OSBPL10: variants seen among roughly 807,000 people sequenced by gnomAD.
OSBPL10 encodes oxysterol binding protein like 10.
OSBPL10 carries 49 observed loss-of-function variants against 81.7 expected under a neutral mutation model. That is an observed-to-expected ratio of 0.60 (90% CI 0.48 to 0.76). The LOEUF is 0.76. Ranked by LOEUF, OSBPL10 falls within the 30% of genes least tolerant of loss-of-function variation. The pLI, the probability that OSBPL10 is intolerant of heterozygous loss-of-function variation, is 0.00. For synonymous variants in OSBPL10, 419 were observed against 383.6 expected (o/e 1.09, Z -1.08); for missense variants, 923 against 987.8 (o/e 0.93, Z 0.88).
chr3:32,061,092 A>G (rs1699752267), intron 1 of OSBPL10, among the ~76,000 whole-genome samples: 1 of 86,944 alleles, frequency 1.2e-5, no homozygotes, highest in African/African-American at 2.9e-5. Context: ...CTCACACATC[A>G]CTCTCTTCCT....
At chr3:32,030,355 CA>C (rs1314172701) in intron 2 of OSBPL10, 1 of 539,274 alleles carries the variant, frequency 1.9e-6, no homozygotes, top group African/African-American at 1.9e-5. Flanking sequence ...AGGAATGCCC[CA>C]CAAGAGGCAC....
intron 1 of OSBPL10, among the ~76,000 whole-genome samples, chr3:31,954,591 AG>A (rs1468374555): frequency 6.6e-6 from 1 of 152,142 alleles, no homozygotes; most frequent in Non-Finnish European, 1.5e-5. Flanking sequence ...TATTGGGGGC[AG>A]GGGGAAGGAT....
At chr3:31,783,942 T>C (rs1698793076) in intron 4 of OSBPL10, among the ~76,000 whole-genome samples, 1 of 146,084 alleles carries the variant, frequency 6.8e-6, no homozygotes, top group Non-Finnish European at 1.5e-5. Flanking sequence ...AAAAAGTACA[T>C]TGTAAAATCC....
chr3:31,944,506 T>A (rs1176077120), intron 1 of OSBPL10, among the ~76,000 whole-genome samples: 1 of 152,212 alleles, frequency 6.6e-6, no homozygotes, highest in African/African-American at 2.4e-5. Context: ...AAAGCATGGA[T>A]ATATTTACAT....
chr3:31,977,735 G>C (rs1022485844), intron 1 of OSBPL10, among the ~76,000 whole-genome samples: 2 of 151,852 alleles, frequency 1.3e-5, no homozygotes, highest in Non-Finnish European at 2.9e-5. Flanking sequence ...TTGTTCATTT[G>C]TATCAATGTA....
intron 1 of OSBPL10, among the ~76,000 whole-genome samples, chr3:31,966,893 C>T (rs1428453043): frequency 1.3e-5 from 2 of 152,122 alleles, no homozygotes; most frequent in Non-Finnish European, 1.5e-5. Flanking sequence ...AAAACCATGA[C>T]ACACATTTAC....
chr3:31,801,670 G>C (rs985837683), intron 4 of OSBPL10, among the ~76,000 whole-genome samples: 2 of 152,172 alleles, frequency 1.3e-5, no homozygotes, highest in African/African-American at 2.4e-5. Flanking sequence ...GAGCAAGCAG[G>C]ACCTGTGTCC....
chr3:31,666,839 A>G (rs926819384), intron 10 of OSBPL10, among the ~76,000 whole-genome samples: 2 of 152,222 alleles, frequency 1.3e-5, no homozygotes, highest in African/African-American at 4.8e-5. Context: ...TCTCTCTCTG[A>G]AAATACTGTA....
At chr3:31,674,192 A>C (rs1473324546) in intron 8 of OSBPL10, among the ~76,000 whole-genome samples, 1 of 152,132 alleles carries the variant, frequency 6.6e-6, no homozygotes, top group Non-Finnish European at 1.5e-5. Flanking sequence ...ACTTATGGCC[A>C]TCCTAACAGT....
At chr3:31,885,939 A>G (rs1251122269) in intron 1 of OSBPL10, among the ~76,000 whole-genome samples, 4 of 149,716 alleles carry the variant, frequency 2.7e-5, no homozygotes, top group African/African-American at 4.9e-5. Flanking sequence ...AGGTTGCAGT[A>G]AGCCAAGGTC....
At chr3:31,975,134 G>A (rs919636714) in intron 1 of OSBPL10, among the ~76,000 whole-genome samples, 2 of 152,096 alleles carry the variant, frequency 1.3e-5, no homozygotes, top group African/African-American at 2.4e-5. Context: ...TGCTCAATAC[G>A]TATTTTGAAC....
At chr3:31,899,485 A>C (rs1016670812) in intron 1 of OSBPL10, among the ~76,000 whole-genome samples, 2 of 152,316 alleles carry the variant, frequency 1.3e-5, no homozygotes, top group South Asian at 4.1e-4. Context: ...TATTAATCAC[A>C]AATGATATAA....
intron 3 of OSBPL10, among the ~76,000 whole-genome samples, chr3:31,841,553 G>T (rs966859421): frequency 3.3e-5 from 5 of 152,208 alleles, no homozygotes; most frequent in African/African-American, 1.2e-4. Context: ...GAAGATATTT[G>T]TGTTGCCCCA....
chr3:32,032,911 C>T (rs1699486421), intron 2 of OSBPL10, among the ~76,000 whole-genome samples: 1 of 152,146 alleles, frequency 6.6e-6, no homozygotes, highest in African/African-American at 2.4e-5. Flanking sequence ...TGTTGGAGGA[C>T]CATTGAAAGA....
intron 1 of OSBPL10, among the ~76,000 whole-genome samples, chr3:32,067,842 C>T (rs1699791640): frequency 6.6e-6 from 1 of 152,192 alleles, no homozygotes; most frequent in African/African-American, 2.4e-5. Flanking sequence ...TTTTCAGACT[C>T]AGCCTGCCTG....
intron 4 of OSBPL10, among the ~76,000 whole-genome samples, chr3:31,791,471 C>A (rs1699008346): frequency 1.3e-5 from 2 of 152,132 alleles, no homozygotes; most frequent in Non-Finnish European, 1.5e-5. Context: ...TTTCTGATAG[C>A]CTTGCATCAT....
chr3:31,935,773 C>G (rs1697367923), intron 1 of OSBPL10, among the ~76,000 whole-genome samples: 1 of 152,180 alleles, frequency 6.6e-6, no homozygotes, highest in South Asian at 2.1e-4. Context: ...CCACCCACCT[C>G]AGCCTCGCAA....
At chr3:32,060,128 C>T (rs1699744074) in intron 1 of OSBPL10, among the ~76,000 whole-genome samples, 1 of 151,832 alleles carries the variant, frequency 6.6e-6, no homozygotes, top group African/African-American at 2.4e-5. Flanking sequence ...TCTGTATGCA[C>T]CTTTTCTGAC....
intron 4 of OSBPL10, chr3:31,795,883 C>G (rs2125437434): frequency 8.4e-6 from 2 of 238,932 alleles, no homozygotes; most frequent in Non-Finnish European, 1.9e-5. Flanking sequence ...ATTACTTAGC[C>G]AGAAGGAGCA....
Sources: allele counts gnomAD v4.1 joint callset (sites outside exome capture counted in the v4.1 genomes callset), GRCh38; gene constraint gnomAD v4.1.1; transcripts MANE v1.5; gene names NCBI Gene and HGNC (gene_info 2026-07-23, HGNC 2026-07-21).